The following LRRIQ1 variants were observed in gnomAD, a reference collection of about 807,000 sequenced individuals.
LRRIQ1 encodes the protein leucine rich repeats and IQ motif containing 1, also known as leucine-rich repeat- and IQ domain-containing protein 1.
In LRRIQ1, 210 loss-of-function variants were observed where a neutral mutation model predicts 211.9. The ratio of observed to expected loss-of-function variants is 0.99; its 90% CI spans 0.89 to 1.11. The LOEUF is 1.11. Among genes scored for constraint, LRRIQ1 ranks in the 50% most tolerant of loss-of-function variants. The pLI, the probability that LRRIQ1 is intolerant of heterozygous loss-of-function variation, is 0.00. For synonymous variants in LRRIQ1, 699 were observed against 650.1 expected (o/e 1.08, Z -1.14); for missense variants, 2,136 against 1,939.5 (o/e 1.10, Z -1.90).
At chr12:85,198,311 T>C (rs1893104811) in intron 24 of LRRIQ1, among the ~76,000 whole-genome samples, 2 of 150,448 alleles carry the variant, frequency 1.3e-5, no homozygotes, top group African/African-American at 4.9e-5. Flanking sequence ...TTATATTTCC[T>C]TGGGTGTATA....
chr12:85,085,432 T>C (rs1042628935), intron 11 of LRRIQ1, among the ~76,000 whole-genome samples: 1 of 152,174 alleles, frequency 6.6e-6, no homozygotes, highest in Non-Finnish European at 1.5e-5. Context: ...AGATGAGATT[T>C]TGGTGGGGAC....
intron 7 of LRRIQ1, among the ~76,000 whole-genome samples, chr12:85,053,112 C>T (rs978977252): frequency 6.6e-6 from 1 of 150,750 alleles, no homozygotes; most frequent in Non-Finnish European, 1.5e-5. Context: ...TGAGACAGTT[C>T]AATAGAAAAT....
At chr12:85,119,055 C>T (rs1041033749) in intron 15 of LRRIQ1, among the ~76,000 whole-genome samples, 1 of 152,060 alleles carries the variant, frequency 6.6e-6, no homozygotes, top group African/African-American at 2.4e-5. Flanking sequence ...AGGGTTCACT[C>T]TTGGTGTTTC....
intron 18 of LRRIQ1, among the ~76,000 whole-genome samples, chr12:85,131,007 C>T (rs1888711929): frequency 6.7e-6 from 1 of 149,588 alleles, no homozygotes; most frequent in African/African-American, 2.5e-5. Flanking sequence ...GTCCAGAGTT[C>T]GAGACCAGTC....
At chr12:85,215,282 C>T (rs1465068616) in intron 24 of LRRIQ1, among the ~76,000 whole-genome samples, 1 of 152,132 alleles carries the variant, frequency 6.6e-6, no homozygotes, top group African/African-American at 2.4e-5. Context: ...ATACCCTATC[C>T]TCCTTCAAGC....
chr12:85,080,559 TAACTC>T (rs1884171641), intron 11 of LRRIQ1, among the ~76,000 whole-genome samples: 1 of 151,710 alleles, frequency 6.6e-6, no homozygotes, highest in African/African-American at 2.4e-5. Context: ...TATTTTCTTT[TAACTC>T]AATTTACAGT....
At chr12:85,131,911 A>G (rs1888792671) in intron 18 of LRRIQ1, among the ~76,000 whole-genome samples, 1 of 152,180 alleles carries the variant, frequency 6.6e-6, no homozygotes, top group Non-Finnish European at 1.5e-5. Flanking sequence ...GAAGAAGAAT[A>G]TGAATATTAC....
At chr12:85,180,387 T>G (rs558207192) in intron 24 of LRRIQ1, among the ~76,000 whole-genome samples, 1 of 152,048 alleles carries the variant, frequency 6.6e-6, no homozygotes, top group Non-Finnish European at 1.5e-5. Flanking sequence ...CATGAAAATT[T>G]TATAGTACTT....
chr12:85,127,323 G>T (rs1008617876), intron 17 of LRRIQ1, among the ~76,000 whole-genome samples: 1 of 152,220 alleles, frequency 6.6e-6, no homozygotes, highest in Non-Finnish European at 1.5e-5. Flanking sequence ...GTCTGTAAGA[G>T]TGTAATTTAA....
intron 7 of LRRIQ1, among the ~76,000 whole-genome samples, chr12:85,054,174 T>C (rs985221086): frequency 5.3e-5 from 8 of 152,206 alleles, no homozygotes; most frequent in Non-Finnish European, 1.2e-4. Flanking sequence ...TCTGAGTGTT[T>C]AAGATATGAC....
chr12:85,126,689 T>C (rs966836537), intron 17 of LRRIQ1, among the ~76,000 whole-genome samples: 3 of 152,152 alleles, frequency 2.0e-5, no homozygotes, highest in Non-Finnish European at 4.4e-5. Flanking sequence ...GTAAAACAGA[T>C]TGGAGCCTTC....
intron 11 of LRRIQ1, among the ~76,000 whole-genome samples, chr12:85,087,720 C>G (rs1884973697): frequency 6.6e-6 from 1 of 152,034 alleles, no homozygotes; most frequent in Admixed American, 6.6e-5. Context: ...TTTCATGTGT[C>G]TGTTGGCTGC....
intron 26 of LRRIQ1, 25 bp from the exon 27 acceptor site, chr12:85,244,764 A>G (rs767918566): frequency 8.1e-6 from 13 of 1,602,036 alleles, no homozygotes; most frequent in African/African-American, 5.4e-5. Context: ...TCATGATTGT[A>G]TACATTCTCT....
chr12:85,229,410 G>C lies in LRRIQ1; in HGVS notation c.4823-107G>C, dbSNP rs1894823450. Reference sequence around the variant, plus strand: ...TTACAGATTTAGCTCTCATAAGTTAGTATTTTTTTTTCTTTCTTGTGATAA... The same window carrying C: ...TTACAGATTTAGCTCTCATAAGTTACTATTTTTTTTTCTTTCTTGTGATAA... On this transcript the variant is annotated intron_variant, in intron 24 of 26. Transcript: ENST00000393217. The C allele has an allele frequency of 8.3e-6, 7 of 840,810 alleles. No individual in the cohort carries two copies. In the South Asian group the frequency reaches 1.6e-4, roughly 20 times the overall value. The allele number at this position is 840,810 out of a possible 1,614,324, so 52.1% of individuals were successfully genotyped here.
chr12:85,204,876 G>A (rs1047635026), intron 24 of LRRIQ1, among the ~76,000 whole-genome samples: 1 of 152,162 alleles, frequency 6.6e-6, no homozygotes, highest in Non-Finnish European at 1.5e-5. Context: ...GGACCATTGG[G>A]AAGGCATGAT....
At chr12:85,074,642 A>G (rs998972546) in intron 11 of LRRIQ1, among the ~76,000 whole-genome samples, 1 of 151,812 alleles carries the variant, frequency 6.6e-6, no homozygotes, top group Non-Finnish European at 1.5e-5. Context: ...TCTACTCTCT[A>G]TTTTATGACC....
chr12:85,207,707 G>A (rs1592971575), intron 24 of LRRIQ1, among the ~76,000 whole-genome samples: 1 of 152,228 alleles, frequency 6.6e-6, no homozygotes, highest in East Asian at 1.9e-4. Flanking sequence ...TGAAGGGTGT[G>A]AGATCTGGGT....
intron 6 of LRRIQ1, among the ~76,000 whole-genome samples, chr12:85,050,796 A>G (rs530427571): frequency 6.6e-6 from 1 of 152,146 alleles, no homozygotes; most frequent in African/African-American, 2.4e-5. Flanking sequence ...AACCTCATCA[A>G]AAATTCCCAT....
At chr12:85,259,622 A>T (rs1896227490) in intron 1 of LRRIQ1, among the ~76,000 whole-genome samples, 1 of 152,116 alleles carries the variant, frequency 6.6e-6, no homozygotes, top group Non-Finnish European at 1.5e-5. Context: ...TCAAGCTTTT[A>T]ATCACACCTA....
Sources: allele counts gnomAD v4.1 joint callset (sites outside exome capture counted in the v4.1 genomes callset), GRCh38; gene constraint gnomAD v4.1.1; transcripts MANE v1.5; gene names NCBI Gene and HGNC (gene_info 2026-07-23, HGNC 2026-07-21).